The following RXFP1 variants were observed in gnomAD, a reference collection of about 807,000 sequenced individuals.
RXFP1 encodes relaxin family peptide receptor 1.
In RXFP1, 73 loss-of-function variants were observed where a neutral mutation model predicts 89.8. The ratio of observed to expected loss-of-function variants is 0.81; its 90% CI spans 0.67 to 0.99. The LOEUF (loss-of-function observed/expected upper bound fraction) is 0.99. RXFP1 is among the 50% of genes least tolerant of loss of function. The probability of loss-of-function intolerance (pLI) is 0.00; values close to 1 mark genes in which losing one functional copy is unlikely to be tolerated. For synonymous variants in RXFP1, 277 were observed against 305.5 expected (o/e 0.91, Z 0.97); for missense variants, 793 against 895.5 (o/e 0.89, Z 1.46).
intron 9 of RXFP1, among the ~76,000 whole-genome samples, chr4:158,625,165 A>C (rs1766459776): frequency 6.6e-6 from 1 of 152,144 alleles, no homozygotes; most frequent in Admixed American, 6.5e-5. Context: ...GATAACATAC[A>C]TTATGAGAGA....
intron 1 of RXFP1, among the ~76,000 whole-genome samples, chr4:158,538,804 C>CA (rs10603295): frequency 0.013 from 1,119 of 84,840 alleles, 19 homozygotes; most frequent in African/African-American, 0.026. Context: ...AATGCCGTCT[C>CA]AAAAAAAAAA....
chr4:158,572,504 G>A (rs775684729), intron 1 of RXFP1, among the ~76,000 whole-genome samples, 194 bp from the exon 2 acceptor site: 2 of 152,242 alleles, frequency 1.3e-5, no homozygotes, highest in Non-Finnish European at 2.9e-5. Flanking sequence ...AGAGGAAAAT[G>A]TTGGCATCTT....
Position 158,647,215 on chromosome 4 carries a change from A to C in RXFP1, c.1756+14A>C. ...CAATTTTTCTTGGTAAGAAACTAAGAAACTAATGTTCACAAATTTTTATTT... is the reference window on the plus strand; with the variant it reads ...CAATTTTTCTTGGTAAGAAACTAAGCAACTAATGTTCACAAATTTTTATTT... On this transcript the variant is annotated intron_variant, in intron 16 of 17. Coordinates refer to ENST00000307765, the MANE Select transcript of RXFP1 (RefSeq NM_021634.4). The C allele has an allele frequency of 6.5e-7, 1 of 1,540,410 alleles. No homozygotes were observed. The highest frequency in any genetic ancestry group is 8.7e-7 in the Non-Finnish European group (1 of 1,146,708).
intron 6 of RXFP1, among the ~76,000 whole-genome samples, chr4:158,611,629 C>T (rs1005506877): frequency 6.6e-6 from 1 of 152,190 alleles, no homozygotes; most frequent in African/African-American, 2.4e-5. Context: ...TGCATGTCTT[C>T]ATCCAAGACT....
intron 11 of RXFP1, among the ~76,000 whole-genome samples, chr4:158,629,035 T>C (rs958331220): frequency 4.6e-5 from 7 of 151,264 alleles, no homozygotes; most frequent in African/African-American, 1.5e-4. Flanking sequence ...GGGGGGTTTT[T>C]TGTTTTGTTT....
intron 1 of RXFP1, among the ~76,000 whole-genome samples, chr4:158,528,308 T>G (rs1182238544): frequency 6.6e-6 from 1 of 151,882 alleles, no homozygotes; most frequent in Non-Finnish European, 1.5e-5. Context: ...AAGACCAGCC[T>G]GGGGGGGCAA....
intron 1 of RXFP1, among the ~76,000 whole-genome samples, chr4:158,542,109 A>ATATATATATATATATTTTTTTTT: frequency 2.8e-5 from 1 of 35,254 alleles, no homozygotes; most frequent in African/African-American, 9.3e-5. Flanking sequence ...ATATATATAT[A>ATATATATATATATATTTTTTTTT]TTTTTTTTTT....
At chr4:158,566,432 C>T (rs1032215369) in intron 1 of RXFP1, among the ~76,000 whole-genome samples, 2 of 152,078 alleles carry the variant, frequency 1.3e-5, no homozygotes, top group Admixed American at 1.3e-4. Context: ...GGTGCAATCT[C>T]GGCTCACTGC....
chr4:158,595,920 G>A (rs1760479567), intron 3 of RXFP1, among the ~76,000 whole-genome samples: 1 of 150,958 alleles, frequency 6.6e-6, no homozygotes, highest in African/African-American at 2.4e-5. Context: ...GCTGAGGTAG[G>A]AAGATCTCAC....
chr4:158,605,892 A>C (rs1269751017), intron 5 of RXFP1, among the ~76,000 whole-genome samples: 1 of 152,224 alleles, frequency 6.6e-6, no homozygotes, highest in Non-Finnish European at 1.5e-5. Context: ...GTTTTACAAT[A>C]GGGAAACCTG....
At chr4:158,599,040 A>T (rs979684020) in intron 3 of RXFP1, among the ~76,000 whole-genome samples, 2 of 150,820 alleles carry the variant, frequency 1.3e-5, no homozygotes, top group Non-Finnish European at 3.0e-5. Context: ...ATAAGAGCAG[A>T]TTATTTCATT....
chr4:158,621,384 A>G (rs924736915), intron 9 of RXFP1, among the ~76,000 whole-genome samples: 2 of 152,240 alleles, frequency 1.3e-5, no homozygotes, highest in Non-Finnish European at 2.9e-5. Flanking sequence ...ACACTAATAA[A>G]AAGCATGTAA....
chr4:158,573,090 C>T (rs1167161817), intron 2 of RXFP1: 13 of 295,236 alleles, frequency 4.4e-5, no homozygotes, highest in South Asian at 9.5e-5. Context: ...CTCACTGCAA[C>T]CTCTGCCTCC....
At chr4:158,628,310 G>C (rs1043724295) in intron 10 of RXFP1, among the ~76,000 whole-genome samples, 1 of 152,158 alleles carries the variant, frequency 6.6e-6, no homozygotes, top group African/African-American at 2.4e-5. Context: ...TATGCAGACT[G>C]AAAAGACAAG....
At chr4:158,570,474 G>A (rs1441916240) in intron 1 of RXFP1, among the ~76,000 whole-genome samples, 1 of 152,120 alleles carries the variant, frequency 6.6e-6, no homozygotes, top group African/African-American at 2.4e-5. Flanking sequence ...AGTCTCAGTG[G>A]TGGCACTGCC....
At chr4:158,632,782 C>T (rs753008965) in intron 11 of RXFP1, among the ~76,000 whole-genome samples, 4 of 151,986 alleles carry the variant, frequency 2.6e-5, no homozygotes, top group Non-Finnish European at 5.9e-5. Flanking sequence ...AAATTAAGAT[C>T]GCAAACCATG....
chr4:158,595,615 A>G (rs183735358), intron 3 of RXFP1, among the ~76,000 whole-genome samples: 213 of 152,364 alleles, frequency 1.4e-3, no homozygotes, highest in Middle Eastern at 3.4e-3. Context: ...CAAGGCATAG[A>G]GGAAGAAATC....
chr4:158,606,064 A>C (rs539364106), intron 5 of RXFP1, among the ~76,000 whole-genome samples: 1 of 152,338 alleles, frequency 6.6e-6, no homozygotes, highest in Admixed American at 6.5e-5. Context: ...TAATGAAAAT[A>C]ACTTTTCAAA....
intron 1 of RXFP1, among the ~76,000 whole-genome samples, chr4:158,555,478 T>G (rs557764136): frequency 1.1e-3 from 165 of 152,334 alleles, no homozygotes; most frequent in African/African-American, 3.9e-3. Flanking sequence ...GCTCTCTGGC[T>G]TTGGTCTTTG....
Sources: allele counts gnomAD v4.1 joint callset (sites outside exome capture counted in the v4.1 genomes callset), GRCh38; gene constraint gnomAD v4.1.1; transcripts MANE v1.5; gene names NCBI Gene and HGNC (gene_info 2026-07-23, HGNC 2026-07-21).